DENND4A: variants seen among roughly 807,000 people sequenced by gnomAD.
The protein encoded by DENND4A is DENN domain containing 4A, also known as C-myc promoter-binding protein.
DENND4A carries 70 observed loss-of-function variants against 199.3 expected under a neutral mutation model. The ratio of observed to expected loss-of-function variants is 0.35; its 90% CI spans 0.29 to 0.43. DENND4A has a LOEUF of 0.43. DENND4A is among the 20% of genes least tolerant of loss of function. DENND4A has a pLI of 1.00. For synonymous variants in DENND4A, 686 were observed against 766.9 expected (o/e 0.89, Z 1.74); for missense variants, 1,723 against 2,255.8 (o/e 0.76, Z 4.78).
intron 1 of DENND4A, chr15:65,771,333 T>TA (rs1473276873): frequency 1.3e-6 from 2 of 1,588,364 alleles, no homozygotes; most frequent in East Asian, 4.5e-5. Context: ...TTTCGAATAT[T>TA]AGTCACATAA....
At chr15:65,781,352 T>C (rs2077431895) in intron 1 of DENND4A, among the ~76,000 whole-genome samples, 1 of 152,162 alleles carries the variant, frequency 6.6e-6, no homozygotes, top group African/African-American at 2.4e-5. Context: ...GGTTTATGTT[T>C]CAAACATACC....
chr15:65,687,892 T>C (rs1414507800), intron 23 of DENND4A, among the ~76,000 whole-genome samples: 1 of 152,222 alleles, frequency 6.6e-6, no homozygotes, highest in African/African-American at 2.4e-5. Context: ...ATTCTGTCTG[T>C]AATTTGCTGA....
At chr15:65,669,662 G>A (rs1417710942) in intron 27 of DENND4A, 117 bp downstream of exon 27, 8 of 827,480 alleles carry the variant, frequency 9.7e-6, no homozygotes, top group Non-Finnish European at 1.5e-5. Context: ...TTAAGATTAT[G>A]AATCTGTTAT....
intron 11 of DENND4A, 185 bp downstream of exon 11, chr15:65,728,887 T>G: frequency 1.5e-6 from 1 of 660,382 alleles, no homozygotes; most frequent in East Asian, 2.9e-5. Context: ...AAAACCTTCT[T>G]TAATACTCTA....
chr15:65,735,653 T>A lies in DENND4A; in HGVS notation c.1040+2054A>T, dbSNP rs1334648177. Among the ~76,000 whole-genome samples the A allele has an allele frequency of 2.0e-5, 3 of 152,226 alleles. No homozygotes were observed. In the East Asian group the frequency reaches 5.8e-4, roughly 29 times the overall value. On this transcript the variant is annotated intron_variant, in intron 7 of 32. Transcript: ENST00000443035. ...TGTAGTGTACATTTTTAAAATTCTG[T>A]ATGATGAAAGGGAAACTATACATAA...
At chr15:65,709,707 AAAAAAAAAAAAAAT>A (rs2075174857) in intron 14 of DENND4A, among the ~76,000 whole-genome samples, 1 of 121,446 alleles carries the variant, frequency 8.2e-6, no homozygotes, top group Non-Finnish European at 1.7e-5. Flanking sequence ...AAAAAAAAAA[AAAAAAAAAAAAAAT>A]ATATATATAT....
At chr15:65,664,939 A>G (rs1326688587) in intron 30 of DENND4A, 1 of 494,950 alleles carries the variant, frequency 2.0e-6, no homozygotes, top group East Asian at 3.2e-5. Flanking sequence ...ATAGACAATA[A>G]CTAAGAATAT....
chr15:65,743,249 A>C (rs1012547433), intron 4 of DENND4A, among the ~76,000 whole-genome samples: 5 of 152,160 alleles, frequency 3.3e-5, no homozygotes, highest in African/African-American at 1.2e-4. Flanking sequence ...ACAATCACCT[A>C]AAGGCCCTAA....
intron 1 of DENND4A, among the ~76,000 whole-genome samples, chr15:65,763,116 T>C (rs889242609): frequency 6.6e-6 from 1 of 152,070 alleles, no homozygotes; most frequent in East Asian, 1.9e-4. Context: ...AACTGTATTG[T>C]ACCAAGCACT....
chr15:65,787,612 T>C (rs780752878), intron 1 of DENND4A, among the ~76,000 whole-genome samples: 3 of 152,170 alleles, frequency 2.0e-5, no homozygotes. Flanking sequence ...AATCAAGTAA[T>C]GTTTCAAAAA....
intron 23 of DENND4A, among the ~76,000 whole-genome samples, chr15:65,685,130 A>G (rs75695070): frequency 6.8e-6 from 1 of 146,612 alleles, no homozygotes. Flanking sequence ...CCCCGCCCAC[A>G]ATTTTTTTTT....
chr15:65,681,710 G>C (rs1393686887), intron 23 of DENND4A, among the ~76,000 whole-genome samples: 4 of 151,838 alleles, frequency 2.6e-5, no homozygotes, highest in African/African-American at 9.7e-5. Context: ...TGAGTAGCTG[G>C]GACCACAGGC....
intron 2 of DENND4A, among the ~76,000 whole-genome samples, chr15:65,759,576 T>C (rs1322151993): frequency 1.3e-5 from 2 of 152,204 alleles, no homozygotes; most frequent in Non-Finnish European, 2.9e-5. Context: ...TCCTTACATA[T>C]AGGATTTCTA....
rs544680560 is a variant in DENND4A, at chr15:65,730,981, TCAAA to T, written c.1166+657_1166+660del. 9.2e-5 allele frequency among the ~76,000 whole-genome samples: 14 copies of T among 152,178 alleles called. No individual in the cohort carries two copies. The South Asian group carries it at 1.7e-3, about 18-fold the overall frequency. On this transcript the variant is annotated intron_variant, in intron 9 of 32. Transcript: ENST00000443035. ...TCATTGTTTCTAGTTTATTTTCAGC[TCAAA>T]CAAAGGTTAAGAAAACATTTGTCAC...
At chr15:65,754,622 T>G (rs955331057) in intron 3 of DENND4A, among the ~76,000 whole-genome samples, 2 of 152,222 alleles carry the variant, frequency 1.3e-5, no homozygotes, top group African/African-American at 4.8e-5. Context: ...TGAATAGACA[T>G]TTCTCCGAAG....
At chr15:65,785,550 A>G (rs963260126) in intron 1 of DENND4A, among the ~76,000 whole-genome samples, 4 of 151,880 alleles carry the variant, frequency 2.6e-5, no homozygotes, top group African/African-American at 9.7e-5. Flanking sequence ...TTTGTACGAG[A>G]CATTTTTATT....
At chr15:65,697,245 T>C (rs1257622646) in intron 21 of DENND4A, 22 bp downstream of exon 21, 2 of 1,389,786 alleles carry the variant, frequency 1.4e-6, no homozygotes, top group African/African-American at 2.9e-5. Context: ...TTTTATACAA[T>C]ATCAACTTAA....
At chr15:65,721,501 T>A (rs539568293) in intron 12 of DENND4A, among the ~76,000 whole-genome samples, 1 of 148,536 alleles carries the variant, frequency 6.7e-6, no homozygotes, top group Admixed American at 6.8e-5. Flanking sequence ...GATAAAGAAA[T>A]GAAGGTTTAA....
intron 15 of DENND4A, among the ~76,000 whole-genome samples, chr15:65,705,405 G>A (rs752186930): frequency 6.6e-6 from 1 of 152,128 alleles, no homozygotes; most frequent in East Asian, 1.9e-4. Context: ...ACAATTTTAA[G>A]TAAAAATAAA....
Sources: gnomAD v4.1 joint callset for allele counts (sites outside exome capture counted in the v4.1 genomes callset) on GRCh38, gnomAD v4.1.1 for gene constraint, MANE v1.5 for transcripts, NCBI Gene and HGNC (gene_info 2026-07-23, HGNC 2026-07-21) for gene names.